The following KCNMB2 variants were observed in gnomAD, a reference collection of about 807,000 sequenced individuals.
The protein encoded by KCNMB2 is calcium-activated potassium channel subunit beta-2.
A neutral mutation model predicts 24.5 loss-of-function variants in KCNMB2; 9 were observed. That is an observed-to-expected ratio of 0.37 (90% CI 0.22 to 0.64). The LOEUF is 0.64. KCNMB2 is among the 30% of genes least tolerant of loss of function. The pLI is 0.63. For missense variants in KCNMB2, 226 were observed against 284.3 expected, an observed-to-expected ratio of 0.79 and a Z score of 1.47; for synonymous variants, 109 against 104.4, an observed-to-expected ratio of 1.04 and a Z score of -0.27.
chr3:178,554,370 A>C (rs1419182541), intron 1 of KCNMB2, among the ~76,000 whole-genome samples: 1 of 152,262 alleles, frequency 6.6e-6, no homozygotes, highest in Non-Finnish European at 1.5e-5. Context: ...TCAAATCTCG[A>C]AACTACAATT....
chr3:178,829,604 T>C (rs951290261), intron 4 of KCNMB2, among the ~76,000 whole-genome samples: 1 of 152,222 alleles, frequency 6.6e-6, no homozygotes, highest in Non-Finnish European at 1.5e-5. Flanking sequence ...TCTCACAAAG[T>C]GCTTGTCTTT....
At chr3:178,791,040 A>G (rs1411196454) in intron 1 of KCNMB2, among the ~76,000 whole-genome samples, 1 of 152,214 alleles carries the variant, frequency 6.6e-6, no homozygotes, top group African/African-American at 2.4e-5. Flanking sequence ...ACTATAATAA[A>G]TACCTAACTG....
intron 2 of KCNMB2, among the ~76,000 whole-genome samples, chr3:178,820,162 T>C (rs1235441320): frequency 6.6e-6 from 1 of 152,246 alleles, no homozygotes; most frequent in Admixed American, 6.5e-5. Context: ...TCTGTAAGTG[T>C]CGTAAAGTTG....
At chr3:178,821,629 T>C (rs1165982446) in intron 2 of KCNMB2, among the ~76,000 whole-genome samples, 1 of 152,170 alleles carries the variant, frequency 6.6e-6, no homozygotes, top group African/African-American at 2.4e-5. Flanking sequence ...GTACAATCAC[T>C]TTCTTCCTCT....
chr3:178,710,497 T>C (rs1722416928), intron 1 of KCNMB2, among the ~76,000 whole-genome samples: 1 of 152,180 alleles, frequency 6.6e-6, no homozygotes, highest in African/African-American at 2.4e-5. Context: ...CAGATTTGCA[T>C]GCCAGCTAGA....
At chr3:178,681,851 A>C (rs2108320295) in intron 1 of KCNMB2, among the ~76,000 whole-genome samples, 1 of 152,198 alleles carries the variant, frequency 6.6e-6, no homozygotes, top group Admixed American at 6.5e-5. Context: ...CTAAATGTAC[A>C]TTATTATAGT....
At chr3:178,556,795 A>C (rs1356075796) in intron 1 of KCNMB2, among the ~76,000 whole-genome samples, 1 of 152,068 alleles carries the variant, frequency 6.6e-6, no homozygotes, top group East Asian at 1.9e-4. Flanking sequence ...CGAATTTTAC[A>C]GTGGCAAGGG....
intron 1 of KCNMB2, among the ~76,000 whole-genome samples, chr3:178,665,272 G>A (rs1253778367): frequency 6.6e-6 from 1 of 152,140 alleles, no homozygotes; most frequent in Non-Finnish European, 1.5e-5. Context: ...ATTAACAAGA[G>A]AAGAGAGGTT....
chr3:178,761,617 A>C (rs1711880661), intron 1 of KCNMB2, among the ~76,000 whole-genome samples: 1 of 152,140 alleles, frequency 6.6e-6, no homozygotes, highest in Non-Finnish European at 1.5e-5. Flanking sequence ...GCTAAAGCAA[A>C]TCCTCCCATC....
chr3:178,650,204 G>A (rs1322077245), intron 1 of KCNMB2, among the ~76,000 whole-genome samples: 3 of 152,180 alleles, frequency 2.0e-5, no homozygotes, highest in Admixed American at 6.5e-5. Context: ...TGTGGTCTGA[G>A]AGACTGTTTG....
chr3:178,759,042 GATATATAT>G (rs1175571508), intron 1 of KCNMB2, among the ~76,000 whole-genome samples: 1 of 298 alleles, frequency 3.4e-3, no homozygotes, highest in African/African-American at 0.028. Context: ...CTCCAAGAGG[GATATATAT>G]ATATATATAT....
Position 178,739,248 on chromosome 3 carries a change from A to G in KCNMB2, c.-67-68095A>G, listed in dbSNP as rs556690813. 2.6e-5 allele frequency among the ~76,000 whole-genome samples: 4 copies of G among 152,292 alleles called. No homozygotes were observed. The East Asian group carries it at 7.7e-4, about 29-fold the overall frequency. On this transcript the variant is annotated intron_variant, in intron 1 of 4. Coordinates refer to ENST00000452583, the MANE Select transcript of KCNMB2 (RefSeq NM_181361.3). The stretch of plus-strand genomic sequence containing the variant: ...CCTCTCAGTCAGCTTCCGCATCTAT[A>G]AAACTAGAACAAAAACACTTACCTG...
intron 1 of KCNMB2, among the ~76,000 whole-genome samples, chr3:178,538,748 C>A (rs1715490751): frequency 6.6e-6 from 1 of 152,030 alleles, no homozygotes; most frequent in African/African-American, 2.4e-5. Context: ...TGCCCACAAC[C>A]TGAAAAATAT....
chr3:178,645,939 G>T (rs2108553833), intron 1 of KCNMB2, among the ~76,000 whole-genome samples: 1 of 152,300 alleles, frequency 6.6e-6, no homozygotes, highest in African/African-American at 2.4e-5. Context: ...AAGGGGGACA[G>T]GAGTTTTTTG....
chr3:178,610,175 G>A (rs912680397), intron 1 of KCNMB2, among the ~76,000 whole-genome samples: 2 of 152,146 alleles, frequency 1.3e-5, no homozygotes, highest in Non-Finnish European at 2.9e-5. Flanking sequence ...TTTGTTTACT[G>A]TAGCTCTGTA....
chr3:178,557,172 C>T (rs1716152822), intron 1 of KCNMB2, among the ~76,000 whole-genome samples: 1 of 152,122 alleles, frequency 6.6e-6, no homozygotes, highest in Non-Finnish European at 1.5e-5. Context: ...ACACCTGGTC[C>T]TGATTCTGAT....
At chr3:178,768,309 A>G (rs1422453137) in intron 1 of KCNMB2, among the ~76,000 whole-genome samples, 2 of 152,006 alleles carry the variant, frequency 1.3e-5, no homozygotes, top group African/African-American at 4.8e-5. Context: ...CACTGACTTC[A>G]TAAGACCAAG....
chr3:178,805,770 C>T (rs1352201732), intron 1 of KCNMB2, among the ~76,000 whole-genome samples: 1 of 152,206 alleles, frequency 6.6e-6, no homozygotes, highest in African/African-American at 2.4e-5. Flanking sequence ...GCTGGAACTA[C>T]AGGCACACAC....
chr3:178,745,048 A>G (rs973625203), intron 1 of KCNMB2, among the ~76,000 whole-genome samples: 3 of 152,350 alleles, frequency 2.0e-5, no homozygotes, highest in Non-Finnish European at 4.4e-5. Context: ...TGGAGATATT[A>G]ATAAAATAAT....
Sources: allele counts gnomAD v4.1 joint callset (sites outside exome capture counted in the v4.1 genomes callset), GRCh38; gene constraint gnomAD v4.1.1; transcripts MANE v1.5; gene names NCBI Gene and HGNC (gene_info 2026-07-23, HGNC 2026-07-21).